The following SNTG1 variants were observed in gnomAD, a reference collection of about 807,000 sequenced individuals.
The protein encoded by SNTG1 is syntrophin gamma 1.
SNTG1 carries 39 observed loss-of-function variants against 74.7 expected under a neutral mutation model. The observed-to-expected ratio is 0.52, with a 90% CI of 0.40 to 0.68. SNTG1 has a LOEUF of 0.68. Among genes scored for constraint, SNTG1 ranks in the 30% least tolerant of loss-of-function variants. The pLI is 0.00. For missense variants in SNTG1, 685 were observed against 609.5 expected (o/e 1.12, Z -1.30); for synonymous variants, 254 against 217.1 (o/e 1.17, Z -1.49).
At chr8:50,530,625 A>G (rs1318118648) in intron 10 of SNTG1, among the ~76,000 whole-genome samples, 1 of 152,158 alleles carries the variant, frequency 6.6e-6, no homozygotes, top group Admixed American at 6.5e-5. Context: ...AAAAGTAACT[A>G]TTTAATTTGC....
intron 17 of SNTG1, among the ~76,000 whole-genome samples, chr8:50,736,525 G>T (rs908340461): frequency 1.3e-5 from 2 of 152,040 alleles, no homozygotes; most frequent in South Asian, 2.1e-4. Context: ...CAACAAGAGA[G>T]AAAATTAACA....
intron 13 of SNTG1, among the ~76,000 whole-genome samples, chr8:50,655,575 A>G (rs2095175026): frequency 6.6e-6 from 1 of 152,164 alleles, no homozygotes; most frequent in Non-Finnish European, 1.5e-5. Context: ...TTAAATCACA[A>G]TCCCTTAATT....
intron 2 of SNTG1, among the ~76,000 whole-genome samples, chr8:50,240,427 C>G (rs529668892): frequency 4.6e-5 from 7 of 152,226 alleles, no homozygotes; most frequent in African/African-American, 1.4e-4. Context: ...ATTTAAAATT[C>G]CAGTAAGTCT....
chr8:50,703,394 G>C (rs991064322), intron 15 of SNTG1, among the ~76,000 whole-genome samples: 1 of 151,968 alleles, frequency 6.6e-6, no homozygotes, highest in Non-Finnish European at 1.5e-5. Context: ...GTCAGGATGA[G>C]TTCCATCATC....
intron 2 of SNTG1, among the ~76,000 whole-genome samples, chr8:50,300,474 A>G (rs969984985): frequency 1.3e-5 from 2 of 152,154 alleles, no homozygotes; most frequent in African/African-American, 2.4e-5. Context: ...TCTTTGCAGC[A>G]TCAAAATATA....
chr8:50,255,129 T>G lies in SNTG1; in HGVS notation c.-28+82494T>G, dbSNP rs980012601. On this transcript the variant is annotated intron_variant, in intron 2 of 18. Coordinates refer to ENST00000642720, the MANE Select transcript of SNTG1 (RefSeq NM_018967.5). Reference sequence around the variant, plus strand: ...TTAATTGACCTTTTTAAATATGAGCTCATCTTAGAGAACTATCTTTATATC... The same window carrying G: ...TTAATTGACCTTTTTAAATATGAGCGCATCTTAGAGAACTATCTTTATATC... Among the ~76,000 whole-genome samples, 4 of 152,134 alleles carry G rather than the reference T, an allele frequency of 2.6e-5. No individual in the cohort carries two copies. In the East Asian group the frequency reaches 7.7e-4, roughly 29 times the overall value.
chr8:50,499,643 T>G (rs921646219), intron 8 of SNTG1, among the ~76,000 whole-genome samples: 2 of 151,998 alleles, frequency 1.3e-5, no homozygotes, highest in Admixed American at 1.3e-4. Context: ...CTTTTACTAT[T>G]TAGTAATGAT....
chr8:50,608,569 C>T (rs1187216472), intron 13 of SNTG1, among the ~76,000 whole-genome samples: 1 of 151,692 alleles, frequency 6.6e-6, no homozygotes, highest in Non-Finnish European at 1.5e-5. Context: ...AATCTTTTAG[C>T]TTCAATCTGT....
At chr8:50,607,590 C>G (rs1563641176) in intron 13 of SNTG1, among the ~76,000 whole-genome samples, 2 of 151,490 alleles carry the variant, frequency 1.3e-5, no homozygotes, top group African/African-American at 4.8e-5. Flanking sequence ...TTCCCTCTCT[C>G]TTTTTTGTAA....
chr8:50,192,162 T>C (rs966638807), intron 2 of SNTG1, among the ~76,000 whole-genome samples: 4 of 152,116 alleles, frequency 2.6e-5, no homozygotes, highest in African/African-American at 2.4e-5. Flanking sequence ...CAAAAAGCTT[T>C]TGTTGTTGTT....
At chr8:49,951,992 C>G (rs1377794106) in intron 1 of SNTG1, among the ~76,000 whole-genome samples, 2 of 147,424 alleles carry the variant, frequency 1.4e-5, no homozygotes, top group East Asian at 2.1e-4. Context: ...CAGAACTACT[C>G]TTTTGTTTGT....
At chr8:50,083,793 G>A (rs1481407754) in intron 1 of SNTG1, among the ~76,000 whole-genome samples, 2 of 152,078 alleles carry the variant, frequency 1.3e-5, no homozygotes, top group Admixed American at 6.6e-5. Flanking sequence ...GTGGGATTAT[G>A]TTTGCTTATA....
At chr8:50,689,396 G>A (rs1204006720) in intron 15 of SNTG1, among the ~76,000 whole-genome samples, 1 of 152,078 alleles carries the variant, frequency 6.6e-6, no homozygotes, top group Non-Finnish European at 1.5e-5. Flanking sequence ...GTCATAGATA[G>A]CTCTTATTTT....
intron 18 of SNTG1, among the ~76,000 whole-genome samples, chr8:50,778,167 G>A (rs1050135511): frequency 1.3e-5 from 2 of 152,164 alleles, no homozygotes; most frequent in African/African-American, 2.4e-5. Context: ...AAACATACGT[G>A]TGCATGTATT....
chr8:50,574,852 T>A (rs531026381), intron 12 of SNTG1, among the ~76,000 whole-genome samples: 1 of 152,284 alleles, frequency 6.6e-6, no homozygotes, highest in Admixed American at 6.5e-5. Context: ...GAACATGAAT[T>A]TTTTTATTCT....
chr8:50,484,125 T>TTTCTTTCTTTCTTTCC (rs2093765421), intron 8 of SNTG1, among the ~76,000 whole-genome samples: 1 of 115,030 alleles, frequency 8.7e-6, no homozygotes, highest in Non-Finnish European at 1.8e-5. Context: ...TCTTTCTTTC[T>TTTCTTTCTTTCTTTCC]TTCTTTCTTT....
rs549993010 is a variant in SNTG1 at position 50,641,978 on chromosome 8, A to G, written c.850-14931A>G. 1.2e-4 allele frequency among the ~76,000 whole-genome samples: 19 copies of G among 152,342 alleles called. 1 individual carries two copies. The highest frequency in any genetic ancestry group is 4.6e-4 in the African/African-American group (19 of 41,584). On this transcript the variant is annotated intron_variant, in intron 13 of 18. Coordinates refer to ENST00000642720, the MANE Select transcript of SNTG1 (RefSeq NM_018967.5). ...ATCTGACAAGACTAGACCATGCCTT[A>G]GAACTCCAGAATGGTTTATCAAATT...
intron 1 of SNTG1, among the ~76,000 whole-genome samples, chr8:50,134,594 G>T (rs1172876808): frequency 6.6e-6 from 1 of 152,146 alleles, no homozygotes. Flanking sequence ...TCTTTTCTGT[G>T]ATGACAGGGA....
At chr8:50,222,089 G>GCTC (rs1563761021) in intron 2 of SNTG1, among the ~76,000 whole-genome samples, 21 of 152,164 alleles carry the variant, frequency 1.4e-4, no homozygotes, top group African/African-American at 5.1e-4. Flanking sequence ...GTTGAGTGGA[G>GCTC]AGTTGCAGGC....
Sources: gnomAD v4.1 joint callset for allele counts (sites outside exome capture counted in the v4.1 genomes callset) on GRCh38, gnomAD v4.1.1 for gene constraint, MANE v1.5 for transcripts, NCBI Gene and HGNC (gene_info 2026-07-23, HGNC 2026-07-21) for gene names.